The following SYNDIG1 variants were observed in gnomAD, a reference collection of about 807,000 sequenced individuals.
SYNDIG1 encodes the protein synapse differentiation-inducing gene protein 1.
Under a neutral mutation model 19.4 loss-of-function variants are expected in SYNDIG1, and 9 were observed. The observed-to-expected ratio is 0.46, with a 90% CI of 0.28 to 0.81. The LOEUF (loss-of-function observed/expected upper bound fraction) is 0.81. Among genes scored for constraint, SYNDIG1 ranks in the 30% least tolerant of loss-of-function variants. SYNDIG1 has a pLI of 0.12. For missense variants in SYNDIG1, 311 were observed against 343.3 expected, an observed-to-expected ratio of 0.91 and a Z score of 0.74; for synonymous variants, 141 against 145.9, an observed-to-expected ratio of 0.97 and a Z score of 0.24.
At chr20:24,489,251 G>C (rs6049730) in intron 1 of SYNDIG1, among the ~76,000 whole-genome samples, 3 of 151,068 alleles carry the variant, frequency 2.0e-5, no homozygotes, top group African/African-American at 7.3e-5. Flanking sequence ...CACACACACA[G>C]ACACACATGC....
Position 24,505,409 on chromosome 20 carries a change from A to G in SYNDIG1, c.-79+35656A>G, listed in dbSNP as rs560090658. ...GGCGTTTAGGACCCCCTCAGCGGGG[A>G]AGAGGGGGGCTCAGAGTGGCTCCTA... On this transcript the variant is annotated intron_variant, in intron 1 of 3. Coordinates refer to ENST00000376862, the MANE Select transcript of SYNDIG1 (RefSeq NM_024893.3). Among the ~76,000 whole-genome samples, 8 of 152,204 alleles carry G rather than the reference A, an allele frequency of 5.3e-5. No individual in the cohort carries two copies. In the South Asian group the frequency reaches 1.7e-3, roughly 32 times the overall value.
At chr20:24,506,164 C>T (rs1292072460) in intron 1 of SYNDIG1, among the ~76,000 whole-genome samples, 1 of 152,228 alleles carries the variant, frequency 6.6e-6, no homozygotes, top group Non-Finnish European at 1.5e-5. Flanking sequence ...GAGGAATTTC[C>T]ATGAATGTGA....
In SYNDIG1 at chr20:24,560,694, C is replaced by CTTTTTTTTTTTTTTTTTTTTTT. The variant is rs10658853; in HGVS notation, c.480+17138_480+17139insTTTTTTTTTTTTTTTTTTTTTT. ...CCCCCGAGACAGTTTCTGTTGACTA[C>CTTTTTTTTTTTTTTTTTTTTTT]TTTTTTTTTTTTTTTTTTTTTAAAC... On this transcript the variant is annotated intron_variant, in intron 2 of 3. Coordinates refer to ENST00000376862, the MANE Select transcript of SYNDIG1 (RefSeq NM_024893.3). 7.0e-5 allele frequency among the ~76,000 whole-genome samples: 8 copies of CTTTTTTTTTTTTTTTTTTTTTT among 113,822 alleles called. 4 individuals are homozygous for CTTTTTTTTTTTTTTTTTTTTTT. The highest frequency in any genetic ancestry group is 3.6e-4 in the Admixed American group (4 of 11,022). The allele number at this position is 113,822 out of a possible 152,430, so 74.7% of individuals were successfully genotyped here.
At chr20:24,650,905 G>A (rs1170828849) in intron 3 of SYNDIG1, among the ~76,000 whole-genome samples, 1 of 151,930 alleles carries the variant, frequency 6.6e-6, no homozygotes, top group African/African-American at 2.4e-5. Flanking sequence ...GTGCGATCTC[G>A]GCTCACTGCA....
chr20:24,495,724 G>C (rs2056284193), intron 1 of SYNDIG1: 1 of 152,248 alleles, frequency 6.6e-6, no homozygotes, highest in Non-Finnish European at 1.5e-5. Context: ...GAGTTCTAAA[G>C]TTGACGGTAC....
rs951025987 is a variant in SYNDIG1, at chr20:24,658,977, C to T, written c.619-6369C>T. ...ATCTCCATCCCCAGGAGCTTCTGCA[C>T]GGCTCTGATGTGGACCTTCCCTCCC... On this transcript the variant is annotated intron_variant, in intron 3 of 3. Transcript: ENST00000376862. This position sits in a 1 kb window ranked among gnomAD's most constrained non-coding sequence, Gnocchi z 4.4. 2.6e-5 allele frequency among the ~76,000 whole-genome samples: 4 copies of T among 152,182 alleles called. No homozygotes were observed. The highest frequency in any genetic ancestry group is 4.8e-5 in the African/African-American group (2 of 41,442).
At chr20:24,542,474 A>T (rs534552405) in intron 1 of SYNDIG1, among the ~76,000 whole-genome samples, 4 of 152,210 alleles carry the variant, frequency 2.6e-5, no homozygotes, top group Non-Finnish European at 5.9e-5. Flanking sequence ...TGAGTGGCCA[A>T]CTATAGAGAG....
At chr20:24,634,648 T>A (rs1479000916) in intron 3 of SYNDIG1, among the ~76,000 whole-genome samples, 1 of 152,264 alleles carries the variant, frequency 6.6e-6, no homozygotes, top group Non-Finnish European at 1.5e-5. Context: ...TTTTTTTTCC[T>A]GCTTTTATTT....
chr20:24,603,885 C>A (rs937503009), intron 3 of SYNDIG1, among the ~76,000 whole-genome samples: 1 of 152,172 alleles, frequency 6.6e-6, no homozygotes, highest in Non-Finnish European at 1.5e-5. Flanking sequence ...CAGGGGAGTT[C>A]ATTCTCCTCC....
At chr20:24,564,588 T>C (rs1350733635) in intron 2 of SYNDIG1, among the ~76,000 whole-genome samples, 4 of 152,186 alleles carry the variant, frequency 2.6e-5, no homozygotes, top group African/African-American at 4.8e-5. Context: ...TTGTTGGAGA[T>C]GTTGTGGCTG....
At chr20:24,662,862 G>T (rs1330178808) in intron 3 of SYNDIG1, among the ~76,000 whole-genome samples, 1 of 152,224 alleles carries the variant, frequency 6.6e-6, no homozygotes, top group African/African-American at 2.4e-5. Flanking sequence ...TACACACAAA[G>T]CCTTGCCTTC....
chr20:24,665,789 A>G lies in SYNDIG1; in HGVS notation c.*285A>G, dbSNP rs2059642458. ...GATGGATTCTGGTGGATGAATGGCA[A>G]CGCGGCTCTCTGCAGCCTGCCAGTG... On this transcript the variant is annotated 3_prime_UTR_variant, in exon 4 of 4. Transcript: ENST00000376862. 6.9e-6 allele frequency: 3 copies of G among 434,914 alleles called. No individual in the cohort carries two copies. Among genetic ancestry groups the G allele is most frequent in the Non-Finnish European group, 1.2e-5 (3 of 249,182 alleles). 26.9% of individuals were successfully genotyped at this position (434,914 alleles called of 1,614,324 possible).
intron 1 of SYNDIG1, among the ~76,000 whole-genome samples, chr20:24,541,509 T>G (rs1428472167): frequency 6.6e-6 from 1 of 152,206 alleles, no homozygotes; most frequent in Admixed American, 6.5e-5. Flanking sequence ...TCCAGCTGCC[T>G]TCCTCTATAA....
At chr20:24,589,042 T>C (rs114823222) in intron 3 of SYNDIG1, among the ~76,000 whole-genome samples, 106 of 152,286 alleles carry the variant, frequency 7.0e-4, no homozygotes, top group African/African-American at 2.5e-3. Flanking sequence ...CCAGCCCCCA[T>C]TGCAAGCACG....
At chr20:24,655,201 T>C (rs867759135) in intron 3 of SYNDIG1, among the ~76,000 whole-genome samples, 3 of 152,170 alleles carry the variant, frequency 2.0e-5, no homozygotes, top group African/African-American at 7.2e-5. Flanking sequence ...AATTAATAGA[T>C]TATCTGATAT....
chr20:24,631,609 C>A (rs1031958328), intron 3 of SYNDIG1, among the ~76,000 whole-genome samples: 3 of 152,198 alleles, frequency 2.0e-5, no homozygotes, highest in Non-Finnish European at 4.4e-5. Flanking sequence ...CTGGGAAGGA[C>A]TTCCAGAGCA....
At chr20:24,557,616 A>G (rs1384973102) in intron 2 of SYNDIG1, among the ~76,000 whole-genome samples, 2 of 152,180 alleles carry the variant, frequency 1.3e-5, no homozygotes, top group African/African-American at 2.4e-5. Context: ...GCTGCAGAAC[A>G]GTGGATTTTC....
Position 24,579,605 on chromosome 20 carries a change from C to T in SYNDIG1, c.481-5251C>T, listed in dbSNP as rs573664981. On this transcript the variant is annotated intron_variant, in intron 2 of 3. Coordinates refer to ENST00000376862, the MANE Select transcript of SYNDIG1 (RefSeq NM_024893.3). ...TGTCCCACGTGACAGGCATGGGACACGTGTGGCTCCTGAGCATGTGGTGTC... is the reference window on the plus strand; with the variant it reads ...TGTCCCACGTGACAGGCATGGGACATGTGTGGCTCCTGAGCATGTGGTGTC... Among the ~76,000 whole-genome samples the T allele has an allele frequency of 1.5e-3, 225 of 152,322 alleles. 1 individual carries two copies. The highest frequency in any genetic ancestry group is 5.2e-3 in the African/African-American group (215 of 41,566).
intron 2 of SYNDIG1, among the ~76,000 whole-genome samples, chr20:24,578,345 A>G (rs2146982331): frequency 6.6e-6 from 1 of 151,902 alleles, no homozygotes; most frequent in Admixed American, 6.6e-5. Context: ...CCAGAGGCTG[A>G]GGCAGGAGAA....
Sources: gnomAD v4.1 joint callset for allele counts (sites outside exome capture counted in the v4.1 genomes callset) on GRCh38, gnomAD v4.1.1 for gene constraint, Gnocchi (gnomAD v3.1) non-coding constraint, MANE v1.5 for transcripts, NCBI Gene and HGNC (gene_info 2026-07-23, HGNC 2026-07-21) for gene names.